SLCO2A1: variants seen among roughly 807,000 people sequenced by gnomAD.
The protein encoded by SLCO2A1 is solute carrier organic anion transporter family member 2A1.
A neutral mutation model predicts 71.7 loss-of-function variants in SLCO2A1; 60 were observed. That is an observed-to-expected ratio of 0.84 (90% CI 0.68 to 1.04). The LOEUF is 1.04. SLCO2A1 is among the 50% of genes least tolerant of loss of function. SLCO2A1 has a pLI of 0.00. For missense variants in SLCO2A1, 745 were observed against 813.4 expected (o/e 0.92, Z 1.02); for synonymous variants, 308 against 326.7 (o/e 0.94, Z 0.62).
At chr3:133,950,012 T>C (rs1933698176) in intron 6 of SLCO2A1, among the ~76,000 whole-genome samples, 1 of 152,096 alleles carries the variant, frequency 6.6e-6, no homozygotes, top group South Asian at 2.1e-4. Flanking sequence ...AAATAATTTT[T>C]TTTTTAGAGA....
chr3:133,948,191 G>A (rs1379594178), intron 8 of SLCO2A1, among the ~76,000 whole-genome samples: 1 of 152,130 alleles, frequency 6.6e-6, no homozygotes, highest in African/African-American at 2.4e-5. Context: ...AATCCCGGAG[G>A]CATTTTGTCT....
In SLCO2A1 at chr3:133,945,386, T is replaced by C. The variant is rs373406797; in HGVS notation, c.1296-126A>G. The C allele has an allele frequency of 6.1e-5, 57 of 932,920 alleles. 3 individuals are homozygous for C. The highest frequency in any genetic ancestry group is 2.7e-4 in the African/African-American group (16 of 59,450). The allele number at this position is 932,920 out of a possible 1,614,324, so 57.8% of individuals were successfully genotyped here. Reference sequence around the variant, plus strand: ...TGCATCTTTATTTCTTTTGGGCCAGTGCCACCCTGGGATCTGAATTATGCC... The same window carrying C: ...TGCATCTTTATTTCTTTTGGGCCAGCGCCACCCTGGGATCTGAATTATGCC... On this transcript the variant is annotated intron_variant, in intron 9 of 13. Coordinates refer to ENST00000310926, the MANE Select transcript of SLCO2A1 (RefSeq NM_005630.3).
At position 133,934,589 on chromosome 3, in the gene SLCO2A1, A is replaced by G; in HGVS notation, c.*124T>C. The G allele has an allele frequency of 1.4e-6, 1 of 708,726 alleles. No homozygotes were observed. The highest frequency in any genetic ancestry group is 2.4e-6 in the Non-Finnish European group (1 of 414,896). 43.9% of individuals were successfully genotyped at this position (708,726 alleles called of 1,614,324 possible). A position where few individuals can be genotyped will look rare whatever the true frequency, so the allele number is the denominator to read the frequency against. ...GAAGAGGTAGGGAAGGCAAATGAGGACTGGGGTTTTCTTTCTTGTTTAAAA... is the reference window on the plus strand; with the variant it reads ...GAAGAGGTAGGGAAGGCAAATGAGGGCTGGGGTTTTCTTTCTTGTTTAAAA... On this transcript the variant is annotated 3_prime_UTR_variant, in exon 14 of 14. Coordinates refer to ENST00000310926, the MANE Select transcript of SLCO2A1 (RefSeq NM_005630.3).
chr3:133,950,662 C>A (rs1438272286), intron 6 of SLCO2A1, among the ~76,000 whole-genome samples: 2 of 152,212 alleles, frequency 1.3e-5, no homozygotes, highest in Non-Finnish European at 2.9e-5. Context: ...ACATCAAGCC[C>A]CTACCCAGAC....
chr3:133,994,857 C>T (rs944470506), intron 1 of SLCO2A1, among the ~76,000 whole-genome samples: 14 of 152,248 alleles, frequency 9.2e-5, no homozygotes, highest in South Asian at 2.1e-4. Context: ...CCACTCTGCA[C>T]GCTCCACCTG....
chr3:134,004,492 G>A (rs1359408950), intron 1 of SLCO2A1, among the ~76,000 whole-genome samples: 1 of 152,120 alleles, frequency 6.6e-6, no homozygotes, highest in Non-Finnish European at 1.5e-5. Flanking sequence ...GCCCCACCAT[G>A]CCTGGCTAAT....
chr3:133,965,137 A>G (rs529746997), intron 3 of SLCO2A1, among the ~76,000 whole-genome samples: 2 of 152,162 alleles, frequency 1.3e-5, no homozygotes, highest in South Asian at 2.1e-4. Flanking sequence ...GGAAAAAAAA[A>G]CCGTTAGCGG....
Position 133,951,286 on chromosome 3 carries a change from C to T in SLCO2A1, c.783G>A (p.Leu261=). Residue 261 remains leucine (L), a synonymous_variant, in exon 6 of 14, where the codon CTG becomes CTA. Transcript: ENST00000310926. ...GAACCAATAAAGCTGAAGAAATGAG[C>T]AGGCCTAGCCACCAGGCTCCAATCC... The part of the protein sequence containing the change: ...PRWIGAWWLG[L]LISSALLVLT... 1 of 1,614,122 alleles carries T rather than the reference C, an allele frequency of 6.2e-7. No individual in the cohort carries two copies. The highest frequency in any genetic ancestry group is 8.5e-7 in the Non-Finnish European group (1 of 1,180,008).
rs577716812 is a variant in SLCO2A1, at chr3:134,000,477, C to T, written c.97-20859G>A. On this transcript the variant is annotated intron_variant, in intron 1 of 13. Transcript: ENST00000310926. ...CAATAAGACCAGTTCTCTCCAGCCT[C>T]GTAAACAGATTGTGACAACTTGAGT... Among the ~76,000 whole-genome samples, 8 of 152,234 alleles carry T rather than the reference C, an allele frequency of 5.3e-5. No individual in the cohort carries two copies. The South Asian group carries it at 6.2e-4, about 12-fold the overall frequency.
At chr3:133,958,552 G>C (rs1365591409) in intron 3 of SLCO2A1, among the ~76,000 whole-genome samples, 1 of 152,198 alleles carries the variant, frequency 6.6e-6, no homozygotes, top group Admixed American at 6.5e-5. Context: ...AGGGGAAAGA[G>C]AGCTAAGCCA....
chr3:133,960,391 A>T (rs1233354814), intron 3 of SLCO2A1, among the ~76,000 whole-genome samples: 1 of 152,238 alleles, frequency 6.6e-6, no homozygotes, highest in Non-Finnish European at 1.5e-5. Context: ...GAGAATCCTG[A>T]CACATGCTAC....
intron 2 of SLCO2A1, among the ~76,000 whole-genome samples, chr3:133,976,259 G>A (rs1449065890): frequency 6.6e-6 from 1 of 152,258 alleles, no homozygotes; most frequent in Non-Finnish European, 1.5e-5. Flanking sequence ...TGGAAAGAGA[G>A]CTTTATTCTT....
At chr3:133,997,384 G>T (rs963544143) in intron 1 of SLCO2A1, among the ~76,000 whole-genome samples, 1 of 152,158 alleles carries the variant, frequency 6.6e-6, no homozygotes, top group African/African-American at 2.4e-5. Context: ...GACATTATTT[G>T]GAAATAATAG....
intron 1 of SLCO2A1, among the ~76,000 whole-genome samples, chr3:134,023,189 C>T (rs1431718715): frequency 2.0e-5 from 3 of 151,932 alleles, no homozygotes; most frequent in African/African-American, 4.8e-5. Context: ...GTCAAGAAAG[C>T]GCCACCCCCT....
At chr3:134,027,044 C>A (rs545078268) in intron 1 of SLCO2A1, among the ~76,000 whole-genome samples, 14 of 152,206 alleles carry the variant, frequency 9.2e-5, no homozygotes, top group African/African-American at 3.1e-4. Flanking sequence ...AAAGCTTCAT[C>A]GCTACCTTAG....
At chr3:133,977,092 C>A (rs1934478027) in intron 2 of SLCO2A1, among the ~76,000 whole-genome samples, 1 of 152,158 alleles carries the variant, frequency 6.6e-6, no homozygotes, top group African/African-American at 2.4e-5. Context: ...TCACATCCCC[C>A]CTAGCCTTCA....
rs934111440 is a variant in SLCO2A1 at position 133,973,699 on chromosome 3, G to C, written c.361C>G (p.Leu121Val). 2.1e-5 allele frequency: 34 copies of C among 1,614,000 alleles called. No individual in the cohort carries two copies. Among genetic ancestry groups the C allele is most frequent in the Non-Finnish European group, 2.8e-5 (33 of 1,180,048 alleles). Residue 121 changes from leucine to valine, a missense_variant, in exon 3 of 14, where the codon CTC becomes GTC. Transcript: ENST00000310926. ...GAFILTLPHFLSEPYQYTLAS... is the reference protein window; with the variant it reads ...GAFILTLPHFVSEPYQYTLAS... ...AAGGTGTACTGGTAGGGCTCGGAGA[G>C]GAAGTGTGGGAGGGTGAGGATGAAG...
In SLCO2A1 at chr3:134,021,541, T is replaced by C. The variant is rs143674318; in HGVS notation, c.96+8166A>G. Among the ~76,000 whole-genome samples the C allele has an allele frequency of 2.9e-3, 438 of 150,974 alleles. 3 individuals are homozygous for C. The South Asian group carries it at 0.034, about 12-fold the overall frequency. ...GTGGTTGAGAGAACAGCAGCATAAG[T>C]GGCTGGCAGAGGCAAGGAAAGACCA... is the stretch of plus-strand genomic sequence containing the variant. On this transcript the variant is annotated intron_variant, in intron 1 of 13. Coordinates refer to ENST00000310926, the MANE Select transcript of SLCO2A1 (RefSeq NM_005630.3).
intron 1 of SLCO2A1, among the ~76,000 whole-genome samples, chr3:134,005,359 T>C (rs1182201486): frequency 6.6e-6 from 1 of 152,256 alleles, no homozygotes; most frequent in African/African-American, 2.4e-5. Context: ...TCAATCTTTC[T>C]GTGTCATATT....
Sources: allele counts gnomAD v4.1 joint callset (sites outside exome capture counted in the v4.1 genomes callset), GRCh38; gene constraint gnomAD v4.1.1; transcripts MANE v1.5; gene names NCBI Gene and HGNC (gene_info 2026-07-23, HGNC 2026-07-21).